The following CDH7 variants were observed in gnomAD, a reference collection of about 807,000 sequenced individuals.
CDH7 encodes the protein cadherin 7, also known as cadherin-7.
In CDH7, 25 loss-of-function variants were observed where a neutral mutation model predicts 71.8. The ratio of observed to expected loss-of-function variants is 0.35; its 90% CI spans 0.25 to 0.49. CDH7 has a LOEUF of 0.49. CDH7 is among the 20% of genes least tolerant of loss of function. The probability of loss-of-function intolerance (pLI) is 0.99; values close to 1 mark genes in which losing one functional copy is unlikely to be tolerated. For missense variants in CDH7, 862 were observed against 974.6 expected (o/e 0.88, Z 1.54); for synonymous variants, 381 against 363.8 (o/e 1.05, Z -0.54).
intron 11 of CDH7, among the ~76,000 whole-genome samples, chr18:65,871,302 C>T (rs918556653): frequency 2.0e-5 from 3 of 152,154 alleles, no homozygotes; most frequent in Non-Finnish European, 4.4e-5. Context: ...TAGACACTCA[C>T]TTAATCTTCA....
At chr18:65,821,794 T>G (rs943408397) in intron 4 of CDH7, among the ~76,000 whole-genome samples, 1 of 152,296 alleles carries the variant, frequency 6.6e-6, no homozygotes, top group African/African-American at 2.4e-5. Context: ...AAGGCCATTT[T>G]ATTTATTTAT....
At chr18:65,873,569 T>G (rs994849697) in intron 11 of CDH7, among the ~76,000 whole-genome samples, 2 of 152,224 alleles carry the variant, frequency 1.3e-5, no homozygotes, top group Non-Finnish European at 2.9e-5. Context: ...AAGAGAAACT[T>G]AAGTCTTGAA....
In CDH7 at chr18:65,884,446, A is replaced by G. The variant is rs1353292515; in HGVS notation, c.*3552A>G. ...ACAATTGAGGTTAGTTGTCTACAAGATACATGCAGGAGGTAGTAGTGGTTA... is the reference window on the plus strand; with the variant it reads ...ACAATTGAGGTTAGTTGTCTACAAGGTACATGCAGGAGGTAGTAGTGGTTA... On this transcript the variant is annotated 3_prime_UTR_variant, in exon 12 of 12. Transcript: ENST00000397968. The G allele has an allele frequency of 6.6e-6, 1 of 152,152 alleles. No homozygotes were observed. 9.4% of individuals were successfully genotyped at this position (152,152 alleles called of 1,614,324 possible).
rs554999585 is a variant in CDH7, at chr18:65,789,535, G to A, written c.211-20169G>A. On this transcript the variant is annotated intron_variant, in intron 2 of 11. Coordinates refer to ENST00000397968, the MANE Select transcript of CDH7 (RefSeq NM_004361.5). ...TGGTTCTGAGCCAATTTGCATTTTA[G>A]AAACATCAATTCTGTTACAGTCAAA... Among the ~76,000 whole-genome samples, 10 of 151,748 alleles carry A rather than the reference G, an allele frequency of 6.6e-5. No homozygotes were observed. In the East Asian group the frequency reaches 1.7e-3, roughly 27 times the overall value.
In CDH7 at chr18:65,799,848, T is replaced by A. The variant is rs371858658; in HGVS notation, c.211-9856T>A. 1.4e-4 allele frequency among the ~76,000 whole-genome samples: 21 copies of A among 152,164 alleles called. 1 individual carries two copies. Among genetic ancestry groups the A allele is most frequent in the African/African-American group, 4.8e-4 (20 of 41,532 alleles). On this transcript the variant is annotated intron_variant, in intron 2 of 11. Transcript: ENST00000397968. The stretch of plus-strand genomic sequence containing the variant: ...ATGGCAAAAAGGAAATTGTTTGCCC[T>A]CTCTCTCTCATGAATGATTGAAATA...
intron 6 of CDH7, among the ~76,000 whole-genome samples, chr18:65,835,345 G>C (rs534069131): frequency 1.3e-5 from 2 of 152,280 alleles, no homozygotes; most frequent in Admixed American, 6.5e-5. Flanking sequence ...GGAAAAATAT[G>C]TTGAGTTCCA....
At chr18:65,856,467 G>A (rs1416909918) in intron 7 of CDH7, among the ~76,000 whole-genome samples, 3 of 152,088 alleles carry the variant, frequency 2.0e-5, no homozygotes, top group Non-Finnish European at 4.4e-5. Flanking sequence ...AAGAATTGCT[G>A]GAGTGGGAGG....
chr18:65,829,784 G>A (rs1912272310), intron 6 of CDH7, among the ~76,000 whole-genome samples: 1 of 143,546 alleles, frequency 7.0e-6, no homozygotes, highest in Admixed American at 6.8e-5. Context: ...GAGTGTGTGT[G>A]TGTGTGTGTG....
intron 3 of CDH7, among the ~76,000 whole-genome samples, chr18:65,813,034 T>C (rs528945123): frequency 6.6e-6 from 1 of 152,246 alleles, no homozygotes; most frequent in East Asian, 1.9e-4. Flanking sequence ...TCTAAGTCCA[T>C]AAAATAAAAA....
chr18:65,817,373 C>A (rs560341941), intron 4 of CDH7, among the ~76,000 whole-genome samples: 5 of 152,128 alleles, frequency 3.3e-5, no homozygotes, highest in Non-Finnish European at 5.9e-5. Flanking sequence ...AGAACATCCC[C>A]TACAGGTTGC....
At chr18:65,865,710 G>A (rs1376967382) in intron 11 of CDH7, 2 of 151,924 alleles carry the variant, frequency 1.3e-5, no homozygotes, top group Non-Finnish European at 2.9e-5. Flanking sequence ...TTTTAGTTTT[G>A]TCGCCACTAT....
intron 2 of CDH7, among the ~76,000 whole-genome samples, chr18:65,782,424 C>T (rs2143837585): frequency 6.6e-6 from 1 of 152,088 alleles, no homozygotes; most frequent in South Asian, 2.1e-4. Flanking sequence ...TCCCAAAGTG[C>T]TGGGATTACA....
At chr18:65,850,813 CT>C (rs370158021) in intron 7 of CDH7, among the ~76,000 whole-genome samples, 11,811 of 137,704 alleles carry the variant, frequency 0.086, 515 homozygotes, top group African/African-American at 0.13. Flanking sequence ...CATTTTTATT[CT>C]TTTTTTTTTT....
At chr18:65,841,025 A>C (rs1258280486) in intron 6 of CDH7, among the ~76,000 whole-genome samples, 1 of 152,082 alleles carries the variant, frequency 6.6e-6, no homozygotes, top group African/African-American at 2.4e-5. Flanking sequence ...TTTTTATTCA[A>C]ATGCTTAACA....
At chr18:65,789,049 G>C (rs80213938) in intron 2 of CDH7, among the ~76,000 whole-genome samples, 4,353 of 152,280 alleles carry the variant, frequency 0.029, 114 homozygotes, top group South Asian at 0.12. Context: ...CACCCATGTG[G>C]CCATACTGGG....
At position 65,823,924 on chromosome 18, in the gene CDH7, C is replaced by A. The variant is rs569469685; in HGVS notation, c.794-720C>A. Among the ~76,000 whole-genome samples, 4 of 151,914 alleles carry A rather than the reference C, an allele frequency of 2.6e-5. No homozygotes were observed. The South Asian group carries it at 6.2e-4, about 24-fold the overall frequency. ...TTCGTCATTTCTGAGTGATGTAGTT[C>A]ATGTATTTCTTCATCTGCCCCCAAA... On this transcript the variant is annotated intron_variant, in intron 5 of 11. Coordinates refer to ENST00000397968, the MANE Select transcript of CDH7 (RefSeq NM_004361.5).
At chr18:65,875,020 A>G (rs547773901) in intron 11 of CDH7, among the ~76,000 whole-genome samples, 66 of 152,280 alleles carry the variant, frequency 4.3e-4, no homozygotes, top group African/African-American at 1.4e-3. Flanking sequence ...ATGGCTTTGA[A>G]TTTGGACTAA....
chr18:65,781,688 C>G (rs545091280), intron 2 of CDH7, among the ~76,000 whole-genome samples: 1 of 152,166 alleles, frequency 6.6e-6, no homozygotes, highest in South Asian at 2.1e-4. Context: ...AGCTGTCTGA[C>G]TGATACTTAA....
intron 7 of CDH7, among the ~76,000 whole-genome samples, chr18:65,846,175 A>C (rs915028943): frequency 5.3e-5 from 8 of 152,092 alleles, no homozygotes; most frequent in Non-Finnish European, 1.2e-4. Context: ...GTGACTTGAG[A>C]AAGAGCAAGT....
Sources: allele counts gnomAD v4.1 joint callset (sites outside exome capture counted in the v4.1 genomes callset), GRCh38; gene constraint gnomAD v4.1.1; transcripts MANE v1.5; gene names NCBI Gene and HGNC (gene_info 2026-07-23, HGNC 2026-07-21).